The following MCTP1 variants were observed in gnomAD, a reference collection of about 807,000 sequenced individuals.
MCTP1 encodes multiple C2 and transmembrane domain containing 1.
In MCTP1, 69 loss-of-function variants were observed where a neutral mutation model predicts 120.6. That is an observed-to-expected ratio of 0.57 (90% CI 0.47 to 0.70). The LOEUF (loss-of-function observed/expected upper bound fraction) is 0.70. Ranked by LOEUF, MCTP1 falls within the 30% of genes least tolerant of loss-of-function variation. MCTP1 has a pLI of 0.00. For synonymous variants in MCTP1, 529 were observed against 493.1 expected (o/e 1.07, Z -0.96); for missense variants, 1,203 against 1,248.8 (o/e 0.96, Z 0.55).
intron 17 of MCTP1, among the ~76,000 whole-genome samples, chr5:94,815,260 T>G (rs1561681865): frequency 6.6e-6 from 1 of 152,238 alleles, no homozygotes; most frequent in Non-Finnish European, 1.5e-5. Context: ...CTTCCTATAC[T>G]GCTACAAAAC....
intron 6 of MCTP1, chr5:94,929,683 T>G (rs2153476432): frequency 1.0e-6 from 1 of 985,226 alleles, no homozygotes; most frequent in African/African-American, 1.7e-5. Context: ...GGGAGCAGTT[T>G]CAATGTAGCA....
At chr5:95,122,012 A>T (rs913422430) in intron 1 of MCTP1, among the ~76,000 whole-genome samples, 25 of 152,134 alleles carry the variant, frequency 1.6e-4, no homozygotes, top group African/African-American at 6.0e-4. Context: ...ATGAATTAAA[A>T]ATTAAATCTA....
intron 5 of MCTP1, among the ~76,000 whole-genome samples, chr5:94,932,247 A>T (rs393262): frequency 6.8e-6 from 1 of 147,518 alleles, no homozygotes; most frequent in Non-Finnish European, 1.5e-5. Context: ...AAGGAACAGT[A>T]TCGGGATGCC....
chr5:94,820,023 T>C (rs1785300068), intron 17 of MCTP1, among the ~76,000 whole-genome samples: 1 of 152,224 alleles, frequency 6.6e-6, no homozygotes, highest in Middle Eastern at 3.2e-3. Flanking sequence ...AAACCAGATG[T>C]GTTCTACCCT....
In MCTP1 at chr5:94,940,151, T is replaced by C; in HGVS notation, c.1106A>G (p.Asp369Gly). The C allele has an allele frequency of 6.2e-7, 1 of 1,609,980 alleles. No homozygotes were observed. The highest frequency in any genetic ancestry group is 8.5e-7 in the Non-Finnish European group (1 of 1,177,244). Residue 369 changes from aspartate to glycine, a missense_variant, in exon 5 of 23, where the codon GAC becomes GGC. Asp to Gly is a moderately conservative substitution (Grantham distance 94). Around this residue, in one of 2 missense-constraint regions of MCTP1, gnomAD observed 740 missense variants for 871.1 expected, o/e 0.85. Transcript: ENST00000515393. ...GAGCAAAATGATTCCAAGATCATGG[T>C]CAGGATAATGAGGATCTTTCAGAGT... is the stretch of plus-strand genomic sequence containing the variant. ...TLTLKDPHYP[D>G]HDLGIILLSV...
intron 17 of MCTP1, among the ~76,000 whole-genome samples, chr5:94,864,563 C>A (rs767751039): frequency 6.6e-6 from 1 of 151,906 alleles, no homozygotes; most frequent in African/African-American, 2.4e-5. Flanking sequence ...GTAGCACTAG[C>A]GCTCCGTTCC....
At chr5:95,248,531 A>C (rs1757051987) in intron 1 of MCTP1, among the ~76,000 whole-genome samples, 1 of 152,180 alleles carries the variant, frequency 6.6e-6, no homozygotes, top group Non-Finnish European at 1.5e-5. Flanking sequence ...GACACAAGCA[A>C]ATGGAGGAAC....
In MCTP1 at chr5:95,284,080, G is replaced by C; in HGVS notation, c.496C>G (p.Leu166Val). ...APSSSSASSS[L>V]SSSPQPPPRG... ...GGGGGAGGCTGGGGCGAGGAGGACA[G>C]GGAGGATGAGGCGGAGGAAGAGGAA... The change falls in exon 1 of 23, where the codon CTG becomes GTG. Residue 166 changes from leucine (L) to valine (V), a missense_variant. This residue lies in a region of MCTP1 where 463 missense variants were observed against 377.8 expected (regional missense o/e 1.23). Transcript: ENST00000515393. The surrounding 1 kb of genome is among the most constrained non-coding windows in gnomAD (Gnocchi z 5.2). 6.5e-7 allele frequency: 1 copy of C among 1,550,046 alleles called. No homozygotes were observed. The highest frequency in any genetic ancestry group is 8.7e-7 in the Non-Finnish European group (1 of 1,146,666).
At chr5:94,866,666 C>T (rs975219012) in intron 17 of MCTP1, among the ~76,000 whole-genome samples, 7 of 151,426 alleles carry the variant, frequency 4.6e-5, no homozygotes, top group African/African-American at 1.7e-4. Context: ...TGAAATTTGA[C>T]CCCCTTACAG....
At chr5:95,237,170 C>T (rs533572067) in intron 1 of MCTP1, among the ~76,000 whole-genome samples, 25 of 152,226 alleles carry the variant, frequency 1.6e-4, no homozygotes, top group Admixed American at 6.5e-4. Context: ...AGGCCATTTG[C>T]AGGGTTTCCA....
intron 18 of MCTP1, among the ~76,000 whole-genome samples, chr5:94,779,751 C>G (rs1207149283): frequency 2.0e-5 from 3 of 151,966 alleles, no homozygotes; most frequent in Non-Finnish European, 2.9e-5. Flanking sequence ...TGATTTTATA[C>G]AAGAATATCA....
At chr5:94,864,383 G>A (rs1649980034) in intron 17 of MCTP1, among the ~76,000 whole-genome samples, 1 of 151,796 alleles carries the variant, frequency 6.6e-6, no homozygotes, top group Non-Finnish European at 1.5e-5. Flanking sequence ...GTACTTTAAA[G>A]GCAAGAGGAC....
At chr5:95,199,589 G>A (rs1396516757) in intron 1 of MCTP1, among the ~76,000 whole-genome samples, 1 of 151,384 alleles carries the variant, frequency 6.6e-6, no homozygotes, top group African/African-American at 2.4e-5. Context: ...TGGGTGTGGT[G>A]GCTCACATCT....
At chr5:95,015,900 T>C (rs1203463568) in intron 2 of MCTP1, among the ~76,000 whole-genome samples, 3 of 152,146 alleles carry the variant, frequency 2.0e-5, no homozygotes, top group African/African-American at 4.8e-5. Context: ...AATTTTGATC[T>C]TCTGTTGCCA....
At chr5:94,726,767 C>T (rs1175552111) in intron 19 of MCTP1, among the ~76,000 whole-genome samples, 2 of 152,074 alleles carry the variant, frequency 1.3e-5, no homozygotes, top group South Asian at 4.1e-4. Context: ...AAAAAGAGTT[C>T]CTGGGACTAT....
Position 94,900,181 on chromosome 5 carries a change from T to G in MCTP1, c.1653-5346A>C, listed in dbSNP as rs141058121. 3.9e-5 allele frequency among the ~76,000 whole-genome samples: 6 copies of G among 152,338 alleles called. No individual in the cohort carries two copies. In the East Asian group the frequency reaches 9.6e-4, roughly 24 times the overall value. Reference sequence around the variant, plus strand: ...CAACATCCATGCTAGAACGCACCTGTTTCTTTATGTTTGGACAAGGCATGC... The same window carrying G: ...CAACATCCATGCTAGAACGCACCTGGTTCTTTATGTTTGGACAAGGCATGC... On this transcript the variant is annotated intron_variant, in intron 10 of 22. Coordinates refer to ENST00000515393, the MANE Select transcript of MCTP1 (RefSeq NM_024717.7).
chr5:95,051,608 A>G (rs1162272881), intron 1 of MCTP1, among the ~76,000 whole-genome samples: 1 of 152,146 alleles, frequency 6.6e-6, no homozygotes, highest in East Asian at 1.9e-4. Flanking sequence ...CTTATACTTG[A>G]CCAAGTGTTT....
chr5:95,055,908 T>C (rs957241490), intron 1 of MCTP1, among the ~76,000 whole-genome samples: 3 of 152,242 alleles, frequency 2.0e-5, no homozygotes, highest in African/African-American at 7.2e-5. Flanking sequence ...TTAGCTACCA[T>C]GATCGTCTAT....
rs1760556458 is a variant in MCTP1, at chr5:95,284,129, G to T, written c.447C>A (p.Gly149=). Residue 149 remains glycine, a synonymous_variant, in exon 1 of 23, where the codon GGC becomes GGA. Transcript: ENST00000515393. The surrounding 1 kb of genome is among the most constrained non-coding windows in gnomAD (Gnocchi z 5.2). ...ASGAAGGTPP[G]GRSPDSAPSS... ...AAGGAGCTGAGTCGGGGGAGCGTCC[G>T]CCAGGAGGCGTCCCTCCCGCTGCTC... The T allele has an allele frequency of 4.5e-6, 7 of 1,551,530 alleles. No individual in the cohort carries two copies. Among genetic ancestry groups the T allele is most frequent in the Middle Eastern group, 1.8e-4 (1 of 5,488 alleles).
Sources: gnomAD v4.1 joint callset for allele counts (sites outside exome capture counted in the v4.1 genomes callset) on GRCh38, gnomAD v4.1.1 for gene constraint, gnomAD v4.1.1 regional missense constraint, Gnocchi (gnomAD v3.1) non-coding constraint, MANE v1.5 for transcripts, NCBI Gene and HGNC (gene_info 2026-07-23, HGNC 2026-07-21) for gene names.